Variants in SDK1 observed in about 807,000 individuals in gnomAD.
SDK1 encodes the protein sidekick cell adhesion molecule 1.
A neutral mutation model predicts 245.5 loss-of-function variants in SDK1; 157 were observed. That is an observed-to-expected ratio of 0.64 (90% CI 0.56 to 0.73). The LOEUF is 0.73. Among genes scored for constraint, SDK1 ranks in the 30% least tolerant of loss-of-function variants. The probability of loss-of-function intolerance (pLI) is 0.00; values close to 1 mark genes in which losing one functional copy is unlikely to be tolerated. For synonymous variants in SDK1, 1,647 were observed against 1,278.5 expected (o/e 1.29, Z -6.15); for missense variants, 3,583 against 3,002.3 (o/e 1.19, Z -4.52).
chr7:3,716,946 A>C (rs575092299), intron 4 of SDK1, among the ~76,000 whole-genome samples: 2 of 152,178 alleles, frequency 1.3e-5, no homozygotes, highest in Non-Finnish European at 2.9e-5. Flanking sequence ...AATAAAATAC[A>C]CTACTTTTCA....
At chr7:3,482,450 A>G (rs1781548875) in intron 1 of SDK1, among the ~76,000 whole-genome samples, 1 of 152,194 alleles carries the variant, frequency 6.6e-6, no homozygotes, top group Non-Finnish European at 1.5e-5. Flanking sequence ...GGGAAGCTCC[A>G]AGATTTATTG....
At chr7:3,525,602 G>C (rs1216280195) in intron 1 of SDK1, among the ~76,000 whole-genome samples, 1 of 152,158 alleles carries the variant, frequency 6.6e-6, no homozygotes, top group East Asian at 1.9e-4. Flanking sequence ...CTAGCATTAG[G>C]TCGGGTTAAT....
At chr7:3,945,935 A>AAAAAAAAAAAATT (rs1554286217) in intron 5 of SDK1, among the ~76,000 whole-genome samples, 1 of 130,132 alleles carries the variant, frequency 7.7e-6, no homozygotes, top group Non-Finnish European at 1.7e-5. Context: ...AAAAAAAAAG[A>AAAAAAAAAAAATT]TAAAGTTTGA....
intron 25 of SDK1, 39 bp downstream of exon 25, chr7:4,114,313 T>G: frequency 6.7e-7 from 1 of 1,493,646 alleles, no homozygotes. Flanking sequence ...GACACCGCAT[T>G]AGAGATGGGG....
intron 5 of SDK1, among the ~76,000 whole-genome samples, chr7:3,891,515 C>G (rs1781457448): frequency 6.6e-6 from 1 of 152,144 alleles, no homozygotes; most frequent in Non-Finnish European, 1.5e-5. Flanking sequence ...TCGATTTGTC[C>G]CTTTTGAAGC....
rs565425679 is a variant in SDK1, at chr7:3,437,579, C to G, written c.298+135695C>G. On this transcript the variant is annotated intron_variant, in intron 1 of 44. Transcript: ENST00000404826. ...TTGAGGTCAGGAGTTTGAGATCAGC[C>G]TGGGCAACAGCAAGACCCCTTCTCT... Among the ~76,000 whole-genome samples the G allele has an allele frequency of 9.9e-5, 15 of 152,056 alleles. No homozygotes were observed. In the South Asian group the frequency reaches 2.7e-3, roughly 27 times the overall value.
chr7:3,604,602 CTTTT>C (rs201453008), intron 1 of SDK1, among the ~76,000 whole-genome samples: 1 of 110,518 alleles, frequency 9.0e-6, no homozygotes, highest in Non-Finnish European at 1.8e-5. Context: ...CTTTTCTTTT[CTTTT>C]TTTTTTTTTT....
At chr7:3,957,779 G>C (rs1781388856) in intron 7 of SDK1, among the ~76,000 whole-genome samples, 1 of 152,194 alleles carries the variant, frequency 6.6e-6, no homozygotes, top group Admixed American at 6.5e-5. Context: ...GAAAAAGGTA[G>C]ACATTAAATG....
chr7:3,308,506 G>A (rs1303292565), intron 1 of SDK1, among the ~76,000 whole-genome samples: 1 of 152,104 alleles, frequency 6.6e-6, no homozygotes, highest in African/African-American at 2.4e-5. Context: ...AATGTCTAGT[G>A]AAGATAACAG....
chr7:4,031,734 T>C (rs536354614), intron 17 of SDK1, among the ~76,000 whole-genome samples: 1 of 152,210 alleles, frequency 6.6e-6, no homozygotes, highest in East Asian at 1.9e-4. Context: ...TCAATAAATA[T>C]ACTGGACTTA....
At chr7:3,876,286 C>T (rs752352791) in intron 5 of SDK1, among the ~76,000 whole-genome samples, 1 of 152,146 alleles carries the variant, frequency 6.6e-6, no homozygotes, top group Non-Finnish European at 1.5e-5. Flanking sequence ...CAGCATTTTC[C>T]CCAGTCTTCT....
At chr7:4,051,070 G>C (rs1330764337) in intron 18 of SDK1, among the ~76,000 whole-genome samples, 1 of 138,088 alleles carries the variant, frequency 7.2e-6, no homozygotes, top group Non-Finnish European at 1.5e-5. Flanking sequence ...TATATGTTAT[G>C]TATGTTATAT....
At chr7:3,390,838 C>G (rs1252623149) in intron 1 of SDK1, among the ~76,000 whole-genome samples, 1 of 152,148 alleles carries the variant, frequency 6.6e-6, no homozygotes, top group African/African-American at 2.4e-5. Context: ...GAATAAATAT[C>G]TGTTGTTTTA....
chr7:3,325,013 G>C (rs766711457), intron 1 of SDK1, among the ~76,000 whole-genome samples: 2 of 152,074 alleles, frequency 1.3e-5, no homozygotes, highest in Non-Finnish European at 2.9e-5. Context: ...TGGTGGAGCA[G>C]CTATTAGTTA....
intron 1 of SDK1, among the ~76,000 whole-genome samples, chr7:3,513,022 G>C (rs551805281): frequency 6.6e-6 from 1 of 152,116 alleles, no homozygotes; most frequent in East Asian, 1.9e-4. Flanking sequence ...TTTTCTTAGA[G>C]CATATCCTAG....
At chr7:3,750,890 T>G (rs1779754915) in intron 4 of SDK1, among the ~76,000 whole-genome samples, 1 of 152,236 alleles carries the variant, frequency 6.6e-6, no homozygotes, top group South Asian at 2.1e-4. Context: ...TGTGAAACTG[T>G]GCCTGGATGT....
chr7:3,574,076 C>T lies in SDK1; in HGVS notation c.299-45004C>T, dbSNP rs185124065. ...TAGCTGAGGATAGACTTTGCCTCTG[C>T]AGCTATCCTTCCTGATCAGACTAGA... On this transcript the variant is annotated intron_variant, in intron 1 of 44. Transcript: ENST00000404826. 1.1e-4 allele frequency among the ~76,000 whole-genome samples: 17 copies of T among 151,808 alleles called. No individual in the cohort carries two copies. The East Asian group carries it at 2.7e-3, about 24-fold the overall frequency.
At chr7:3,777,772 C>T (rs1339970776) in intron 4 of SDK1, among the ~76,000 whole-genome samples, 1 of 152,136 alleles carries the variant, frequency 6.6e-6, no homozygotes, top group Non-Finnish European at 1.5e-5. Context: ...CATGCCACAC[C>T]ACACTGCACA....
At chr7:3,603,266 C>A (rs1329116193) in intron 1 of SDK1, among the ~76,000 whole-genome samples, 1 of 144,704 alleles carries the variant, frequency 6.9e-6, no homozygotes, top group African/African-American at 2.6e-5. Context: ...TGTAAATTAC[C>A]TTGGGCAGTA....
Sources: allele counts gnomAD v4.1 joint callset (sites outside exome capture counted in the v4.1 genomes callset), GRCh38; gene constraint gnomAD v4.1.1; transcripts MANE v1.5; gene names NCBI Gene and HGNC (gene_info 2026-07-23, HGNC 2026-07-21).